The following PCLO variants were observed in gnomAD, a reference collection of about 807,000 sequenced individuals.
The protein encoded by PCLO is piccolo presynaptic cytomatrix protein.
In PCLO, 82 loss-of-function variants were observed where a neutral mutation model predicts 427.5. The observed-to-expected ratio is 0.19, with a 90% CI of 0.16 to 0.23. PCLO has a LOEUF of 0.23. Ranked by LOEUF, PCLO falls within the 10% of genes least tolerant of loss-of-function variation. The pLI is 1.00. For synonymous variants in PCLO, 2,357 were observed against 2,155.4 expected (o/e 1.09, Z -2.59); for missense variants, 6,239 against 6,115.9 (o/e 1.02, Z -0.67).
chr7:82,835,452 T>G (rs937108485), intron 16 of PCLO, among the ~76,000 whole-genome samples: 2 of 152,210 alleles, frequency 1.3e-5, no homozygotes, highest in African/African-American at 4.8e-5. Flanking sequence ...TTTTAATATT[T>G]TCTACTTTTC....
In PCLO at chr7:82,755,980, C is replaced by T. The variant is rs908560270; in HGVS notation, c.*2595G>A. 8 of 152,102 alleles carry T rather than the reference C, an allele frequency of 5.3e-5. No homozygotes were observed. The highest frequency in any genetic ancestry group is 1.7e-4 in the African/African-American group (7 of 41,432). The allele number at this position is 152,102 out of a possible 1,614,324, so 9.4% of individuals were successfully genotyped here. On this transcript the variant is annotated 3_prime_UTR_variant, in exon 25 of 25. Coordinates refer to ENST00000333891, the MANE Select transcript of PCLO (RefSeq NM_033026.6). ...ACTCTGCTGATTGACCTAGCCCCAT[C>T]GCTAGTTCCTTGGAACGGAGGGGCT...
chr7:82,880,295 T>C (rs1793474378), intron 9 of PCLO: 1 of 279,538 alleles, frequency 3.6e-6, no homozygotes, highest in Admixed American at 4.0e-5. Context: ...GACCAAAACA[T>C]TATGTGGCAC....
intron 22 of PCLO, among the ~76,000 whole-genome samples, chr7:82,799,556 T>G (rs1791298429): frequency 6.6e-6 from 1 of 152,168 alleles, no homozygotes. Context: ...TATACTTATA[T>G]GCTCTCAGAT....
intron 3 of PCLO, among the ~76,000 whole-genome samples, chr7:83,064,075 T>C (rs1387979500): frequency 2.0e-5 from 3 of 152,040 alleles, no homozygotes; most frequent in South Asian, 2.1e-4. Flanking sequence ...TTCACCTCTA[T>C]ATAAAAGTGA....
chr7:83,108,173 A>G (rs551841604), intron 3 of PCLO, among the ~76,000 whole-genome samples: 3 of 152,188 alleles, frequency 2.0e-5, no homozygotes, highest in East Asian at 1.9e-4. Context: ...GAGAGAAAAA[A>G]ATCTCTAAGA....
In PCLO at chr7:82,952,097, G is replaced by A. The variant is rs545398409; in HGVS notation, c.8856C>T (p.Ser2952=). The stretch of plus-strand genomic sequence containing the variant: ...TAGTTGCAGGCTGCTGTGCTGTGCA[G>A]CTCCTTCCAAATGGTAATTTATAAA... The part of the protein sequence containing the change: ...DVVYKLPFGR[S]CTAQQPATTL... The change falls in exon 5 of 25, where the codon AGC becomes AGT. Residue 2952 remains serine, a synonymous_variant. Coordinates refer to ENST00000333891, the MANE Select transcript of PCLO (RefSeq NM_033026.6). The A allele has an allele frequency of 3.1e-6, 5 of 1,613,946 alleles. No individual in the cohort carries two copies. Among genetic ancestry groups the A allele is most frequent in the East Asian group, 4.5e-5 (2 of 44,876 alleles).
In PCLO at chr7:83,134,667, C is replaced by T. The variant is rs572144686; in HGVS notation, c.2883G>A (p.Gly961=). Reference sequence around the variant, plus strand: ...GGGCAGGGGCTTGTTTCATTGGGGCCCCTGGTCCACTTTGTGAATGAGGTC... The same window carrying T: ...GGGCAGGGGCTTGTTTCATTGGGGCTCCTGGTCCACTTTGTGAATGAGGTC... The part of the protein sequence containing the change: ...QPGPHSQSGP[G]APMKQAPAPS... The change falls in exon 3 of 25, where the codon GGG becomes GGA. Residue 961 remains glycine, a synonymous_variant. Coordinates refer to ENST00000333891, the MANE Select transcript of PCLO (RefSeq NM_033026.6). 5.0e-6 allele frequency: 8 copies of T among 1,613,634 alleles called. No homozygotes were observed. Among genetic ancestry groups the T allele is most frequent in the Middle Eastern group, 3.3e-4 (2 of 6,062 alleles).
chr7:83,025,621 T>C (rs1788472725), intron 3 of PCLO, among the ~76,000 whole-genome samples: 1 of 151,950 alleles, frequency 6.6e-6, no homozygotes, highest in African/African-American at 2.4e-5. Context: ...AAGATACTCC[T>C]CGAGAAGAGC....
intron 3 of PCLO, among the ~76,000 whole-genome samples, chr7:83,030,105 G>C (rs1384437747): frequency 1.7e-5 from 2 of 116,084 alleles, no homozygotes; most frequent in African/African-American, 6.2e-5. Context: ...AAAACTTAAA[G>C]TATAATAATA....
chr7:83,076,123 TAAA>T (rs3039471), intron 3 of PCLO, among the ~76,000 whole-genome samples: 3,656 of 148,330 alleles, frequency 0.025, 120 homozygotes, highest in African/African-American at 0.079. Context: ...TTCTTGGATT[TAAA>T]AAAAAAAAAA....
chr7:82,876,557 A>G (rs6972961), intron 10 of PCLO, among the ~76,000 whole-genome samples: 68,259 of 151,622 alleles, frequency 0.45, 16,759 homozygotes, highest in African/African-American at 0.66. Flanking sequence ...TACCCATTTG[A>G]ACTTGTAAAC....
In PCLO at chr7:82,983,577, T is replaced by C. The variant is rs993320307; in HGVS notation, c.3301-17090A>G. ...AATATTACAGATCTAGCTAAAATTA[T>C]ATTTTATAATTAGCCAAAATGGTAA... On this transcript the variant is annotated intron_variant, in intron 3 of 24. Coordinates refer to ENST00000333891, the MANE Select transcript of PCLO (RefSeq NM_033026.6). 2.0e-5 allele frequency among the ~76,000 whole-genome samples: 3 copies of C among 149,894 alleles called. No individual in the cohort carries two copies. The East Asian group carries it at 5.8e-4, about 29-fold the overall frequency.
At chr7:82,997,282 C>T (rs1181469479) in intron 3 of PCLO, among the ~76,000 whole-genome samples, 2 of 151,910 alleles carry the variant, frequency 1.3e-5, no homozygotes, top group African/African-American at 4.8e-5. Flanking sequence ...CTCAGAAAAG[C>T]ACACGATCAA....
chr7:82,974,399 T>C (rs1156778327), intron 3 of PCLO, among the ~76,000 whole-genome samples: 1 of 152,138 alleles, frequency 6.6e-6, no homozygotes, highest in African/African-American at 2.4e-5. Context: ...ATCAGAGTTA[T>C]TAGATTAACT....
intron 6 of PCLO, among the ~76,000 whole-genome samples, chr7:82,931,050 T>C (rs564622141): frequency 6.6e-6 from 1 of 152,262 alleles, no homozygotes; most frequent in South Asian, 2.1e-4. Context: ...TGATGCACTT[T>C]TGAAAACAGA....
chr7:82,772,482 T>A (rs1279290231), intron 22 of PCLO, among the ~76,000 whole-genome samples: 1 of 152,148 alleles, frequency 6.6e-6, no homozygotes, highest in Non-Finnish European at 1.5e-5. Flanking sequence ...TCATTAATTT[T>A]TTTTCCCCAA....
In PCLO at chr7:82,949,604, C is replaced by T. The variant is rs768148533; in HGVS notation, c.10984G>A (p.Ala3662Thr). Residue 3662 changes from alanine (A) to threonine (T), a missense_variant, in exon 6 of 25, where the codon GCT (alanine) becomes ACT (threonine). Transcript: ENST00000333891. The stretch of plus-strand genomic sequence containing the variant: ...TTAGGACTTGCTGGGGGAACTTTAG[C>T]CATATCTGGATGCAGTACTTTCTGT... ...SPQKVLHPDMAKVPPASPKTA... is the reference protein window; with the variant it reads ...SPQKVLHPDMTKVPPASPKTA... 118 of 1,613,696 alleles carry T rather than the reference C, an allele frequency of 7.3e-5. No individual in the cohort carries two copies. Among genetic ancestry groups the T allele is most frequent in the Non-Finnish European group, 9.6e-5 (113 of 1,179,832 alleles).
In PCLO at chr7:82,845,296, C is replaced by A. The variant is rs749251920; in HGVS notation, c.14021G>T (p.Ser4674Ile). Reference protein sequence around the residue: ...SPGQPGSPSVSKKKHGSSKPT... With the variant: ...SPGQPGSPSVIKKKHGSSKPT... ...CTTGCTGCTGCCGTGCTTCTTTTTG[C>A]TCACTGAGGGGGACCCTGGTTGCCC... The change falls in exon 13 of 25, where the codon AGC (serine) becomes ATC (isoleucine). Residue 4674 changes from serine (S) to isoleucine (I), a missense_variant. Transcript: ENST00000333891. The A allele has an allele frequency of 3.1e-6, 5 of 1,613,376 alleles. No individual in the cohort carries two copies. Among genetic ancestry groups the A allele is most frequent in the South Asian group, 1.1e-5 (1 of 91,076 alleles).
At chr7:83,066,226 C>T (rs887940463) in intron 3 of PCLO, among the ~76,000 whole-genome samples, 1 of 152,044 alleles carries the variant, frequency 6.6e-6, no homozygotes, top group Non-Finnish European at 1.5e-5. Context: ...CTTTAAAAAT[C>T]ACTGCTCAAA....
Sources: allele counts gnomAD v4.1 joint callset (sites outside exome capture counted in the v4.1 genomes callset), GRCh38; gene constraint gnomAD v4.1.1; transcripts MANE v1.5; gene names NCBI Gene and HGNC (gene_info 2026-07-23, HGNC 2026-07-21).